The following CDK14 variants were observed in gnomAD, a reference collection of about 807,000 sequenced individuals.
CDK14 encodes cyclin dependent kinase 14, also known as cyclin-dependent kinase 14.
Under a neutral mutation model 60.7 loss-of-function variants are expected in CDK14, and 34 were observed. The ratio of observed to expected loss-of-function variants is 0.56; its 90% confidence interval spans 0.43 to 0.75. CDK14 has a LOEUF of 0.75. Ranked by LOEUF, CDK14 falls within the 30% of genes least tolerant of loss-of-function variation. The probability of loss-of-function intolerance (pLI) is 0.00; values close to 1 mark genes in which losing one functional copy is unlikely to be tolerated. For missense variants in CDK14, 482 were observed against 564.1 expected (o/e 0.85, Z 1.47); for synonymous variants, 197 against 203.7 (o/e 0.97, Z 0.28).
At chr7:90,850,849 G>C (rs370263427) in intron 5 of CDK14, among the ~76,000 whole-genome samples, 1 of 152,192 alleles carries the variant, frequency 6.6e-6, no homozygotes, top group East Asian at 1.9e-4. Context: ...TTGAGCAGCA[G>C]TTTCCTCTTT....
At chr7:90,650,743 G>A (rs566176836) in intron 2 of CDK14, among the ~76,000 whole-genome samples, 40 of 152,262 alleles carry the variant, frequency 2.6e-4, no homozygotes, top group African/African-American at 8.2e-4. Flanking sequence ...ATTTTTGTCA[G>A]GTTTGTCAAA....
chr7:90,598,704 A>ATTTTTTTTTTTTT (rs796093975), intron 1 of CDK14, among the ~76,000 whole-genome samples: 4,024 of 87,248 alleles, frequency 0.046, 731 homozygotes, highest in Non-Finnish European at 0.071. Flanking sequence ...TTATCTAAGG[A>ATTTTTTTTTTTTT]TTTTTTTTTT....
chr7:90,835,062 G>A (rs995553467), intron 5 of CDK14, among the ~76,000 whole-genome samples: 22 of 152,096 alleles, frequency 1.4e-4, no homozygotes, highest in East Asian at 1.2e-3. Flanking sequence ...CAGGAGTGAC[G>A]GTGACTGACA....
intron 2 of CDK14, among the ~76,000 whole-genome samples, chr7:90,717,121 TA>T (rs550470726): frequency 6.6e-6 from 1 of 152,038 alleles, no homozygotes; most frequent in Non-Finnish European, 1.5e-5. Flanking sequence ...GAGTGCTCAT[TA>T]AAACCTTACG....
intron 5 of CDK14, among the ~76,000 whole-genome samples, chr7:90,826,480 G>A (rs1395709211): frequency 6.6e-6 from 1 of 152,144 alleles, no homozygotes; most frequent in Non-Finnish European, 1.5e-5. Flanking sequence ...GGCTCCCAAA[G>A]TGCTGGGATT....
At chr7:90,954,023 A>G (rs997636599) in intron 8 of CDK14, among the ~76,000 whole-genome samples, 8 of 152,214 alleles carry the variant, frequency 5.3e-5, no homozygotes, top group Non-Finnish European at 7.4e-5. Flanking sequence ...ATTCATGTGG[A>G]GAAAAATTGG....
chr7:91,016,441 G>T (rs1346912971), intron 10 of CDK14, among the ~76,000 whole-genome samples: 2 of 152,080 alleles, frequency 1.3e-5, no homozygotes, highest in Admixed American at 1.3e-4. Context: ...GTGGTACAAT[G>T]AACTAGATAG....
chr7:90,608,203 C>T (rs1293116902), intron 2 of CDK14, among the ~76,000 whole-genome samples: 2 of 152,044 alleles, frequency 1.3e-5, no homozygotes, highest in Non-Finnish European at 2.9e-5. Context: ...CCTTAAGTGG[C>T]CCCATTTTTC....
At chr7:90,649,860 T>C (rs1226068200) in intron 2 of CDK14, among the ~76,000 whole-genome samples, 1 of 152,194 alleles carries the variant, frequency 6.6e-6, no homozygotes, top group Non-Finnish European at 1.5e-5. Flanking sequence ...CAGTCTATCA[T>C]TGATGGACAT....
intron 2 of CDK14, among the ~76,000 whole-genome samples, chr7:90,653,426 T>C (rs2116482625): frequency 6.6e-6 from 1 of 152,262 alleles, no homozygotes; most frequent in Admixed American, 6.5e-5. Flanking sequence ...ACCTGTTGGC[T>C]CCATCTCTCT....
intron 5 of CDK14, among the ~76,000 whole-genome samples, chr7:90,859,969 C>T (rs1584054738): frequency 6.6e-6 from 1 of 151,456 alleles, no homozygotes; most frequent in African/African-American, 2.4e-5. Flanking sequence ...TTTATAGGTT[C>T]TTAACAAAAA....
At chr7:91,049,642 C>T (rs1437550064) in intron 11 of CDK14, among the ~76,000 whole-genome samples, 1 of 152,182 alleles carries the variant, frequency 6.6e-6, no homozygotes. Flanking sequence ...TGATCTAGGC[C>T]ATGAATAAAT....
intron 14 of CDK14, among the ~76,000 whole-genome samples, chr7:91,194,108 T>A (rs1319200358): frequency 6.6e-6 from 1 of 152,162 alleles, no homozygotes; most frequent in African/African-American, 2.4e-5. Flanking sequence ...TTACCAGACA[T>A]ACATCAGTCC....
At position 91,013,451 on chromosome 7, in the gene CDK14, A is replaced by G. The variant is rs545891634; in HGVS notation, c.1041+29210A>G. Among the ~76,000 whole-genome samples, 8 of 152,320 alleles carry G rather than the reference A, an allele frequency of 5.3e-5. No homozygotes were observed. The East Asian group carries it at 1.5e-3, about 29-fold the overall frequency. On this transcript the variant is annotated intron_variant, in intron 10 of 14. Coordinates refer to ENST00000380050, the MANE Select transcript of CDK14 (RefSeq NM_001287135.2). ...TTATAAGCCCTGAAACTGAGTCAAG[A>G]TTTTAAAGAAAGACATTCTAGAAAT...
At chr7:91,076,044 C>T (rs1286030504) in intron 11 of CDK14, among the ~76,000 whole-genome samples, 1 of 151,290 alleles carries the variant, frequency 6.6e-6, no homozygotes, top group African/African-American at 2.4e-5. Context: ...CCATACTCCC[C>T]AAAGTAATTT....
At chr7:90,766,014 C>T (rs1237595195) in intron 4 of CDK14, among the ~76,000 whole-genome samples, 3 of 151,528 alleles carry the variant, frequency 2.0e-5, no homozygotes, top group East Asian at 1.9e-4. Flanking sequence ...TTTTTATTGT[C>T]GGCTTCATCT....
intron 2 of CDK14, among the ~76,000 whole-genome samples, chr7:90,621,999 T>C (rs1489513483): frequency 2.6e-5 from 4 of 152,152 alleles, no homozygotes; most frequent in Non-Finnish European, 5.9e-5. Context: ...GTTGCTTGCA[T>C]TTGATGATGA....
At chr7:91,166,490 A>G (rs1304714485) in intron 14 of CDK14, among the ~76,000 whole-genome samples, 11 of 152,238 alleles carry the variant, frequency 7.2e-5, no homozygotes, top group Admixed American at 2.6e-4. Context: ...CTGATACATT[A>G]ATCTATGAAA....
chr7:91,038,750 G>A (rs1797001421), intron 10 of CDK14, among the ~76,000 whole-genome samples: 1 of 152,210 alleles, frequency 6.6e-6, no homozygotes, highest in African/African-American at 2.4e-5. Flanking sequence ...AATTATGGGG[G>A]TGGGTAATAT....
Sources: gnomAD v4.1 joint callset for allele counts (sites outside exome capture counted in the v4.1 genomes callset) on GRCh38, gnomAD v4.1.1 for gene constraint, MANE v1.5 for transcripts, NCBI Gene and HGNC (gene_info 2026-07-23, HGNC 2026-07-21) for gene names.